Variants in NPAS2 observed in about 807,000 individuals in gnomAD.
The protein encoded by NPAS2 is neuronal PAS domain protein 2, also known as neuronal PAS domain-containing protein 2.
Under a neutral mutation model 107.5 loss-of-function variants are expected in NPAS2, and 23 were observed. The observed-to-expected ratio is 0.21, with a 90% CI of 0.15 to 0.30. NPAS2 has a LOEUF of 0.30. NPAS2 is among the 10% of genes least tolerant of loss of function. NPAS2 has a pLI of 1.00. For synonymous variants in NPAS2, 403 were observed against 417.5 expected (o/e 0.97, Z 0.42); for missense variants, 756 against 1,043.3 (o/e 0.72, Z 3.79).
At chr2:100,918,371 G>T (rs889915587) in intron 2 of NPAS2, among the ~76,000 whole-genome samples, 2 of 152,070 alleles carry the variant, frequency 1.3e-5, no homozygotes, top group Non-Finnish European at 2.9e-5. Flanking sequence ...AACACCAAAA[G>T]TACAACTCGT....
chr2:100,835,356 A>G (rs1431390930), intron 1 of NPAS2, among the ~76,000 whole-genome samples: 1 of 152,194 alleles, frequency 6.6e-6, no homozygotes, highest in African/African-American at 2.4e-5. Flanking sequence ...CAAATCCAGC[A>G]TCTGAACCTG....
chr2:100,907,602 C>A (rs1177379661), intron 2 of NPAS2, among the ~76,000 whole-genome samples: 1 of 152,032 alleles, frequency 6.6e-6, no homozygotes, highest in Non-Finnish European at 1.5e-5. Flanking sequence ...ACCTGGAGGC[C>A]TGGCATGAAT....
chr2:100,988,000 C>A, intron 16 of NPAS2, 79 bp from the exon 17 acceptor site: 2 of 1,469,026 alleles, frequency 1.4e-6, no homozygotes, highest in South Asian at 1.2e-5. Context: ...TTCTTACTGG[C>A]ACAGGGAATG....
At chr2:100,939,146 C>T (rs1674419541) in intron 5 of NPAS2, among the ~76,000 whole-genome samples, 1 of 152,182 alleles carries the variant, frequency 6.6e-6, no homozygotes, top group African/African-American at 2.4e-5. Context: ...ATACCTTTCC[C>T]TGGAAGCCAC....
At chr2:100,890,429 A>G (rs991865888) in intron 1 of NPAS2, among the ~76,000 whole-genome samples, 1 of 152,120 alleles carries the variant, frequency 6.6e-6, no homozygotes, top group Non-Finnish European at 1.5e-5. Flanking sequence ...AAAATTGTGC[A>G]GGCCTTCCCA....
At chr2:100,966,376 G>A (rs573552859) in intron 10 of NPAS2, among the ~76,000 whole-genome samples, 1 of 152,240 alleles carries the variant, frequency 6.6e-6, no homozygotes, top group South Asian at 2.1e-4. Flanking sequence ...AATGTATGGG[G>A]GATGGGACTT....
rs538409361 is a variant in NPAS2, at chr2:100,920,050, G to A, written c.33-5096G>A. On this transcript the variant is annotated intron_variant, in intron 2 of 20. Coordinates refer to ENST00000335681, the MANE Select transcript of NPAS2 (RefSeq NM_002518.4). ...TTGATGGAGCGCCTTGTGCACAGAA[G>A]GTGCTAATCAGAGAATATAGAACAA... is the stretch of plus-strand genomic sequence containing the variant. Among the ~76,000 whole-genome samples the A allele has an allele frequency of 5.3e-5, 8 of 152,260 alleles. No homozygotes were observed. In the South Asian group the frequency reaches 1.7e-3, roughly 32 times the overall value.
intron 1 of NPAS2, among the ~76,000 whole-genome samples, chr2:100,865,779 C>T (rs1679212798): frequency 6.6e-6 from 1 of 152,162 alleles, no homozygotes; most frequent in East Asian, 1.9e-4. Flanking sequence ...AGGACAACTG[C>T]TGACTTTGGG....
chr2:100,995,971 C>T lies in NPAS2; in HGVS notation c.*389C>T, dbSNP rs1430265822. The T allele has an allele frequency of 9.9e-6, 13 of 1,311,126 alleles. No individual in the cohort carries two copies. Among genetic ancestry groups the T allele is most frequent in the African/African-American group, 6.0e-5 (4 of 66,744 alleles). The allele number at this position is 1,311,126 out of a possible 1,614,324, so 81.2% of individuals were successfully genotyped here. On this transcript the variant is annotated 3_prime_UTR_variant, in exon 21 of 21. Transcript: ENST00000335681. ...GCTAGCTGGCCTTCACGCTCTTGAT[C>T]GTCTTTCCTTTGTATTGGAGAAGGA... is the stretch of plus-strand genomic sequence containing the variant.
intron 5 of NPAS2, among the ~76,000 whole-genome samples, chr2:100,946,181 G>A (rs1412967227): frequency 2.6e-5 from 4 of 152,228 alleles, no homozygotes; most frequent in African/African-American, 4.8e-5. Flanking sequence ...GTGGAGGCAG[G>A]TGAGCTCATG....
chr2:100,908,446 C>T (rs1682309850), intron 2 of NPAS2, among the ~76,000 whole-genome samples: 1 of 152,116 alleles, frequency 6.6e-6, no homozygotes, highest in Non-Finnish European at 1.5e-5. Context: ...AGCCAGTTGG[C>T]AGCAGGCAGG....
At chr2:100,919,816 C>T (rs1286435861) in intron 2 of NPAS2, among the ~76,000 whole-genome samples, 4 of 152,194 alleles carry the variant, frequency 2.6e-5, no homozygotes, top group Admixed American at 2.6e-4. Flanking sequence ...CCCTCAAAGC[C>T]ACCTCATGTT....
rs1676124469 is a variant in NPAS2 at position 100,964,896 on chromosome 2, C to T, written c.753C>T (p.Phe251=). The T allele has an allele frequency of 6.4e-7, 1 of 1,573,638 alleles. No individual in the cohort carries two copies. Among genetic ancestry groups the T allele is most frequent in the South Asian group, 1.2e-5 (1 of 83,306 alleles). Residue 251 remains phenylalanine, a synonymous_variant, in exon 9 of 21, where the codon TTC becomes TTT. Coordinates refer to ENST00000335681, the MANE Select transcript of NPAS2 (RefSeq NM_002518.4). ...TAGTTGACGAACCTTTAGAGGAATT[C>T]ACTTCAAGGCATAGCTTGGAATGGA... ...MCIVDEPLEE[F]TSRHSLEWKF...
At chr2:100,911,830 C>A (rs1347341836) in intron 2 of NPAS2, among the ~76,000 whole-genome samples, 1 of 152,142 alleles carries the variant, frequency 6.6e-6, no homozygotes, top group Non-Finnish European at 1.5e-5. Flanking sequence ...TGGGGTTTCA[C>A]CGTGTTAGCC....
intron 1 of NPAS2, among the ~76,000 whole-genome samples, chr2:100,885,739 A>G (rs1312630741): frequency 6.6e-6 from 1 of 152,242 alleles, no homozygotes; most frequent in Non-Finnish European, 1.5e-5. Flanking sequence ...CAATGGTGTG[A>G]TCTTAGCTCA....
At chr2:100,906,470 T>C (rs1036829313) in intron 2 of NPAS2, among the ~76,000 whole-genome samples, 4 of 152,240 alleles carry the variant, frequency 2.6e-5, no homozygotes, top group Non-Finnish European at 5.9e-5. Flanking sequence ...GTAGTGTCTG[T>C]CCTGCTTTCC....
At chr2:100,931,042 G>A (rs1480904582) in intron 3 of NPAS2, among the ~76,000 whole-genome samples, 1 of 152,216 alleles carries the variant, frequency 6.6e-6, no homozygotes, top group Non-Finnish European at 1.5e-5. Context: ...AGAACTGGGA[G>A]TTGCACCCTC....
At chr2:100,947,976 C>T (rs762510841) in intron 5 of NPAS2, among the ~76,000 whole-genome samples, 3 of 152,226 alleles carry the variant, frequency 2.0e-5, no homozygotes, top group Non-Finnish European at 4.4e-5. Context: ...CTCAGTCCTT[C>T]CTACATTTGT....
chr2:100,984,968 A>C (rs1414247951), intron 16 of NPAS2: 1 of 152,208 alleles, frequency 6.6e-6, no homozygotes, highest in African/African-American at 2.4e-5. Context: ...TACCTGGACA[A>C]GAGCTGTTGT....
Sources: gnomAD v4.1 joint callset for allele counts (sites outside exome capture counted in the v4.1 genomes callset) on GRCh38, gnomAD v4.1.1 for gene constraint, MANE v1.5 for transcripts, NCBI Gene and HGNC (gene_info 2026-07-23, HGNC 2026-07-21) for gene names.